Variants in DSCAML1 observed in about 807,000 individuals in gnomAD.
DSCAML1 encodes the protein DS cell adhesion molecule like 1.
DSCAML1 carries 38 observed loss-of-function variants against 200.5 expected under a neutral mutation model. That is an observed-to-expected ratio of 0.19 (90% CI 0.15 to 0.25). The LOEUF (loss-of-function observed/expected upper bound fraction) is 0.25. Ranked by LOEUF, DSCAML1 falls within the 10% of genes least tolerant of loss-of-function variation. DSCAML1 has a pLI of 1.00. For synonymous variants in DSCAML1, 1,215 were observed against 1,165.0 expected (o/e 1.04, Z -0.87); for missense variants, 2,223 against 2,858.8 (o/e 0.78, Z 5.07).
chr11:117,587,413 C>T (rs145247632), intron 3 of DSCAML1, among the ~76,000 whole-genome samples: 8 of 152,252 alleles, frequency 5.3e-5, no homozygotes, highest in South Asian at 2.1e-4. Context: ...CTCCCCATCA[C>T]GCTGTCCCTG....
At chr11:117,799,110 C>T (rs1268365298), upstream of DSCAML1, among the ~76,000 whole-genome samples, 1 of 152,178 alleles carries the variant, frequency 6.6e-6, no homozygotes. Context: ...TGACAGAGCC[C>T]TCACGTTTCC....
intron 3 of DSCAML1, among the ~76,000 whole-genome samples, chr11:117,754,453 C>CAGGGCTCAGCTCGGG (rs1199621157): frequency 6.6e-6 from 1 of 152,044 alleles, no homozygotes; most frequent in Non-Finnish European, 1.5e-5. Context: ...GGCCAGGACT[C>CAGGGCTCAGCTCGGG]AGGGCTCAGC....
chr11:117,817,141 T>C (rs1049075950), intron 1 of DSCAML1, among the ~76,000 whole-genome samples: 1 of 152,202 alleles, frequency 6.6e-6, no homozygotes, highest in Admixed American at 6.5e-5. Context: ...CTGGGCTTCC[T>C]ACCCAGCTCT....
At chr11:117,466,266 G>C (rs1041405339) in intron 16 of DSCAML1, among the ~76,000 whole-genome samples, 1 of 152,252 alleles carries the variant, frequency 6.6e-6, no homozygotes, top group South Asian at 2.1e-4. Flanking sequence ...ATGCAGCCAT[G>C]AAAGGGAGAA....
chr11:117,638,366 T>TGTG (rs1591350095), intron 3 of DSCAML1, among the ~76,000 whole-genome samples: 1 of 104,554 alleles, frequency 9.6e-6, no homozygotes, highest in African/African-American at 3.6e-5. Flanking sequence ...GTGTGTGTGT[T>TGTG]TGCAACCGCT....
intron 3 of DSCAML1, among the ~76,000 whole-genome samples, chr11:117,605,089 C>G (rs776381881): frequency 2.6e-5 from 4 of 152,132 alleles, no homozygotes; most frequent in African/African-American, 4.8e-5. Flanking sequence ...AGTGCAGTGG[C>G]ACAATCATAG....
At chr11:117,743,569 G>A (rs566952470) in intron 3 of DSCAML1, among the ~76,000 whole-genome samples, 13 of 152,256 alleles carry the variant, frequency 8.5e-5, no homozygotes, top group Admixed American at 6.5e-4. Context: ...CTCAGCTCCC[G>A]CTGTCTGGCG....
At chr11:117,543,446 C>T (rs2050309626) in intron 3 of DSCAML1, among the ~76,000 whole-genome samples, 1 of 150,758 alleles carries the variant, frequency 6.6e-6, no homozygotes. Context: ...TGTGTACCTG[C>T]ACTGGCATGT....
chr11:117,595,967 A>G (rs2051355890), intron 3 of DSCAML1, among the ~76,000 whole-genome samples: 1 of 152,196 alleles, frequency 6.6e-6, no homozygotes, highest in African/African-American at 2.4e-5. Context: ...GAAATGTATT[A>G]ATAAATTCTT....
chr11:117,442,255 T>G (rs1177247763), intron 21 of DSCAML1, among the ~76,000 whole-genome samples: 1 of 150,182 alleles, frequency 6.7e-6, no homozygotes, highest in South Asian at 2.1e-4. Flanking sequence ...CATGTGCATA[T>G]GTGTGTGCAT....
rs145718747 is a variant in DSCAML1 at position 117,680,485 on chromosome 11, G to T, written c.511+96306C>A. On this transcript the variant is annotated intron_variant, in intron 3 of 32. Coordinates refer to ENST00000651296, the MANE Select transcript of DSCAML1 (RefSeq NM_020693.4). The stretch of plus-strand genomic sequence containing the variant: ...CATGCCAGCTGTGAGAGCTTCTCAG[G>T]GATCTGGAAAGCTCTCCAAAGGAAG... Among the ~76,000 whole-genome samples the T allele has an allele frequency of 2.9e-3, 448 of 152,326 alleles. 2 individuals are homozygous for T. The highest frequency in any genetic ancestry group is 8.9e-3 in the African/African-American group (371 of 41,578).
intron 21 of DSCAML1, 35 bp downstream of exon 21, chr11:117,443,851 T>C (rs1326334095): frequency 3.2e-6 from 5 of 1,545,704 alleles, no homozygotes; most frequent in African/African-American, 1.4e-5. Context: ...CTTTTGGAAG[T>C]GTTTGCCCCT....
intron 3 of DSCAML1, among the ~76,000 whole-genome samples, chr11:117,540,851 A>T (rs2050255556): frequency 1.3e-5 from 1 of 74,110 alleles, no homozygotes; most frequent in Non-Finnish European, 2.9e-5. Flanking sequence ...TAATAATAAT[A>T]AAAAAAGTTG....
chr11:117,511,272 C>T (rs868533487), intron 8 of DSCAML1, among the ~76,000 whole-genome samples: 10 of 152,130 alleles, frequency 6.6e-5, no homozygotes, highest in Non-Finnish European at 1.3e-4. Flanking sequence ...GGCACCACCT[C>T]CCTGTCCTGG....
chr11:117,510,806 A>C (rs1258936650), intron 8 of DSCAML1, among the ~76,000 whole-genome samples: 1 of 152,202 alleles, frequency 6.6e-6, no homozygotes, highest in Non-Finnish European at 1.5e-5. Context: ...CATCGTCATG[A>C]GCCCTGTCTG....
chr11:117,460,001 TG>T (rs2048447796), intron 18 of DSCAML1, among the ~76,000 whole-genome samples: 1 of 152,196 alleles, frequency 6.6e-6, no homozygotes, highest in Non-Finnish European at 1.5e-5. Flanking sequence ...GAAACCAGGC[TG>T]GCCTGTCCAG....
chr11:117,480,437 G>A lies in DSCAML1; in HGVS notation c.2785+6C>T, dbSNP rs751713164. 78 of 1,613,200 alleles carry A rather than the reference G, an allele frequency of 4.8e-5. 1 individual carries two copies. The highest frequency in any genetic ancestry group is 3.7e-4 in the South Asian group (34 of 90,842). On this transcript the variant is annotated splice_donor_region_variant and intron_variant, in intron 14 of 32. Transcript: ENST00000651296. The surrounding 1 kb of genome is among the most constrained non-coding windows in gnomAD (Gnocchi z 4.1). Reference sequence around the variant, plus strand: ...CACGCTGTCACCCTCCTGGCCCAGCGCCTACCTGATTTGTTCTTGTATTCA... The same window carrying A: ...CACGCTGTCACCCTCCTGGCCCAGCACCTACCTGATTTGTTCTTGTATTCA...
At chr11:117,678,922 G>A (rs2053264282) in intron 3 of DSCAML1, among the ~76,000 whole-genome samples, 1 of 152,270 alleles carries the variant, frequency 6.6e-6, no homozygotes. Flanking sequence ...TACAGAGTGA[G>A]AGAGCAGAAA....
intron 1 of DSCAML1, among the ~76,000 whole-genome samples, chr11:117,782,276 C>G (rs1365874728): frequency 1.3e-5 from 2 of 152,188 alleles, no homozygotes; most frequent in Non-Finnish European, 2.9e-5. Flanking sequence ...CCTCATTGGT[C>G]AGAGCAATTC....
Sources: gnomAD v4.1 joint callset for allele counts (sites outside exome capture counted in the v4.1 genomes callset) on GRCh38, gnomAD v4.1.1 for gene constraint, Gnocchi (gnomAD v3.1) non-coding constraint, MANE v1.5 for transcripts, NCBI Gene and HGNC (gene_info 2026-07-23, HGNC 2026-07-21) for gene names.